The following SNX29 variants were observed in gnomAD, a reference collection of about 807,000 sequenced individuals.
SNX29 encodes the protein sorting nexin-29.
In SNX29, 78 loss-of-function variants were observed where a neutral mutation model predicts 102.1. The observed-to-expected ratio is 0.76, with a 90% CI of 0.64 to 0.92. The LOEUF (loss-of-function observed/expected upper bound fraction) is 0.92, where lower values mean the gene tolerates loss of function less well. Ranked by LOEUF, SNX29 falls within the 40% of genes least tolerant of loss-of-function variation. SNX29 has a pLI of 0.00. For synonymous variants in SNX29, 580 were observed against 414.5 expected, an observed-to-expected ratio of 1.40 and a Z score of -4.85; for missense variants, 1,280 against 1,061.7, an observed-to-expected ratio of 1.21 and a Z score of -2.86.
intron 14 of SNX29, among the ~76,000 whole-genome samples, chr16:12,242,716 C>G (rs1041148331): frequency 2.6e-5 from 4 of 151,434 alleles, no homozygotes; most frequent in Non-Finnish European, 5.9e-5. Flanking sequence ...TACAATGACG[C>G]AATCACAGCT....
At chr16:12,553,529 G>A (rs1003720232) in intron 20 of SNX29, among the ~76,000 whole-genome samples, 3 of 152,164 alleles carry the variant, frequency 2.0e-5, no homozygotes, top group African/African-American at 4.8e-5. Context: ...CTGGAGGAGG[G>A]ACCCCACAGA....
chr16:12,245,554 A>G (rs534448919), intron 14 of SNX29, among the ~76,000 whole-genome samples: 1 of 152,052 alleles, frequency 6.6e-6, no homozygotes, highest in African/African-American at 2.4e-5. Flanking sequence ...TCTGTTAAAC[A>G]TCTTTAAAAT....
chr16:12,346,831 T>C (rs1010546586), intron 15 of SNX29, among the ~76,000 whole-genome samples: 7 of 152,130 alleles, frequency 4.6e-5, no homozygotes, highest in Admixed American at 1.3e-4. Flanking sequence ...CATCATTGTC[T>C]CCAGGGGGGT....
At chr16:12,317,802 C>G (rs941732582) in intron 15 of SNX29, among the ~76,000 whole-genome samples, 4 of 152,234 alleles carry the variant, frequency 2.6e-5, no homozygotes, top group Admixed American at 6.5e-5. Context: ...CTCCAAGCCT[C>G]AGTCTCTTCA....
chr16:12,058,552 GGC>G (rs1283902725), intron 8 of SNX29, among the ~76,000 whole-genome samples: 1 of 135,032 alleles, frequency 7.4e-6, no homozygotes, highest in African/African-American at 2.9e-5. Flanking sequence ...GGAGTGCAGT[GGC>G]GGGATCTCAG....
intron 20 of SNX29, among the ~76,000 whole-genome samples, chr16:12,564,826 C>G (rs12932392): frequency 0.26 from 39,236 of 149,948 alleles, 5,659 homozygotes; most frequent in East Asian, 0.43. Flanking sequence ...CGGTGGTACA[C>G]AACGCTGAAG....
chr16:12,463,063 T>C (rs541260380), intron 18 of SNX29, among the ~76,000 whole-genome samples: 7 of 152,342 alleles, frequency 4.6e-5, no homozygotes, highest in African/African-American at 1.7e-4. Flanking sequence ...CCTTGTGATT[T>C]TCTCTGTGGC....
chr16:12,566,898 G>A (rs534106091), intron 20 of SNX29, among the ~76,000 whole-genome samples: 5 of 152,354 alleles, frequency 3.3e-5, no homozygotes, highest in African/African-American at 7.2e-5. Context: ...TACAGGAAAA[G>A]ACAATCATTA....
intron 16 of SNX29, among the ~76,000 whole-genome samples, chr16:12,390,149 G>GGTGTGTGTGTGTGTGTGTGTGTGTGT (rs34547147): frequency 6.9e-6 from 1 of 145,588 alleles, no homozygotes; most frequent in African/African-American, 2.5e-5. Context: ...GCAATTGAGG[G>GGTGTGTGTGTGTGTGTGTGTGTGTGT]GTGTGTGTGT....
chr16:12,145,090 CT>C (rs1336223440), intron 13 of SNX29, among the ~76,000 whole-genome samples: 2 of 152,086 alleles, frequency 1.3e-5, no homozygotes, highest in African/African-American at 2.4e-5. Context: ...ACTTGGTTTG[CT>C]CACCCAATGT....
chr16:12,540,694 G>A (rs1244980465), intron 20 of SNX29, among the ~76,000 whole-genome samples: 1 of 152,186 alleles, frequency 6.6e-6, no homozygotes, highest in Non-Finnish European at 1.5e-5. Flanking sequence ...TGTTGTAGAA[G>A]CTCACATATG....
chr16:12,514,930 AAGAAAGAAAG>A (rs2089798179), intron 19 of SNX29, among the ~76,000 whole-genome samples: 1 of 151,286 alleles, frequency 6.6e-6, no homozygotes, highest in African/African-American at 2.4e-5. Flanking sequence ...GAAAGAAAGA[AAGAAAGAAAG>A]AGAGAAAGAA....
chr16:12,115,485 T>TTTTGTGTGTGTGTGTG (rs369070216), intron 11 of SNX29, among the ~76,000 whole-genome samples: 3 of 141,858 alleles, frequency 2.1e-5, no homozygotes, highest in African/African-American at 8.0e-5. Flanking sequence ...CCACCTTGAT[T>TTTTGTGTGTGTGTGTG]TGTGTGTGTG....
At chr16:12,535,832 C>G (rs940418488) in intron 20 of SNX29, among the ~76,000 whole-genome samples, 1 of 152,196 alleles carries the variant, frequency 6.6e-6, no homozygotes, top group African/African-American at 2.4e-5. Flanking sequence ...TTTGGCCTCT[C>G]AGTGCTTAGA....
intron 14 of SNX29, among the ~76,000 whole-genome samples, chr16:12,225,734 G>A (rs1207398908): frequency 6.6e-6 from 1 of 152,162 alleles, no homozygotes; most frequent in Non-Finnish European, 1.5e-5. Context: ...GAAGATTTGA[G>A]GAGCTGATAC....
At chr16:12,487,250 C>G (rs2088289338) in intron 19 of SNX29, among the ~76,000 whole-genome samples, 1 of 152,162 alleles carries the variant, frequency 6.6e-6, no homozygotes, top group Admixed American at 6.5e-5. Context: ...CACGTGCGTT[C>G]TCATCCCCAG....
chr16:12,116,398 G>A (rs926843440), intron 11 of SNX29, among the ~76,000 whole-genome samples: 2 of 152,230 alleles, frequency 1.3e-5, no homozygotes, highest in South Asian at 2.1e-4. Context: ...GGGGCCGGGC[G>A]CAGTGGCTCA....
intron 15 of SNX29, among the ~76,000 whole-genome samples, chr16:12,280,170 T>A (rs2079386924): frequency 6.6e-6 from 1 of 152,140 alleles, no homozygotes; most frequent in Admixed American, 6.5e-5. Context: ...GCTTTCTGCA[T>A]CAGAAACAGC....
At chr16:12,245,188 C>T (rs709425) in intron 14 of SNX29, among the ~76,000 whole-genome samples, 58,732 of 151,888 alleles carry the variant, frequency 0.39, 12,601 homozygotes, top group Non-Finnish European at 0.5. Flanking sequence ...TGAAATTGGT[C>T]GTTCTTACAG....
Sources: allele counts gnomAD v4.1 joint callset (sites outside exome capture counted in the v4.1 genomes callset), GRCh38; gene constraint gnomAD v4.1.1; transcripts MANE v1.5; gene names NCBI Gene and HGNC (gene_info 2026-07-23, HGNC 2026-07-21).